The following LPIN1 variants were observed in gnomAD, a reference collection of about 807,000 sequenced individuals.
The protein encoded by LPIN1 is phosphatidate phosphatase LPIN1.
Under a neutral mutation model 107.5 loss-of-function variants are expected in LPIN1, and 71 were observed. The ratio of observed to expected loss-of-function variants is 0.66; its 90% CI spans 0.55 to 0.80. The LOEUF (loss-of-function observed/expected upper bound fraction) is 0.80, where lower values mean the gene tolerates loss of function less well. Among genes scored for constraint, LPIN1 ranks in the 30% least tolerant of loss-of-function variants. The pLI is 0.00. For synonymous variants in LPIN1, 445 were observed against 452.6 expected (o/e 0.98, Z 0.21); for missense variants, 1,043 against 1,160.6 (o/e 0.90, Z 1.47).
chr2:11,768,303 T>C (rs543380981), intron 3 of LPIN1, among the ~76,000 whole-genome samples: 1 of 152,354 alleles, frequency 6.6e-6, no homozygotes, highest in Admixed American at 6.5e-5. Context: ...GGTTTTAGTA[T>C]ATTTACAGAT....
intron 19 of LPIN1, 68 bp from the exon 20 acceptor site, chr2:11,820,343 A>C: frequency 1.0e-6 from 1 of 1,002,956 alleles, no homozygotes. Flanking sequence ...AATCAGAAAT[A>C]CCATGGACTT....
chr2:11,824,712 A>G lies in LPIN1; in HGVS notation c.2702A>G (p.Asp901Gly), dbSNP rs773234393. ...CATTCTTCAGACTTTCCCTGTTCGG[A>G]TACCTTCAGTAACTTCACCTTTTGG... ...RSHSSDFPCSDTFSNFTFWRE... is the reference protein window; with the variant it reads ...RSHSSDFPCSGTFSNFTFWRE... The change falls in exon 21 of 21, where the codon GAT becomes GGT. Residue 901 changes from aspartate to glycine, a missense_variant. Physicochemically the swap from Asp to Gly is moderately conservative, Grantham distance 94. Coordinates refer to ENST00000674199, the MANE Select transcript of LPIN1 (RefSeq NM_001349206.2). 1.2e-6 allele frequency: 2 copies of G among 1,614,026 alleles called. No individual in the cohort carries two copies. The highest frequency in any genetic ancestry group is 1.7e-6 in the Non-Finnish European group (2 of 1,180,038).
At chr2:11,739,758 A>G (rs1299994136) in intron 1 of LPIN1, among the ~76,000 whole-genome samples, 1 of 152,250 alleles carries the variant, frequency 6.6e-6, no homozygotes, top group East Asian at 1.9e-4. Context: ...GGATAATATG[A>G]CCTAGGATCT....
chr2:11,809,254 A>G (rs892456227), intron 17 of LPIN1, among the ~76,000 whole-genome samples: 5 of 152,192 alleles, frequency 3.3e-5, no homozygotes, highest in African/African-American at 9.7e-5. Flanking sequence ...ACCTTATTTC[A>G]TACATGCTTT....
At chr2:11,725,266 CA>C (rs1316608158) in intron 1 of LPIN1, among the ~76,000 whole-genome samples, 5 of 150,160 alleles carry the variant, frequency 3.3e-5, no homozygotes, top group African/African-American at 1.2e-4. Flanking sequence ...GTCTCAAAAA[CA>C]AAAACAAAAA....
At chr2:11,719,413 G>A (rs545280582), upstream of LPIN1, among the ~76,000 whole-genome samples, 403 of 152,318 alleles carry the variant, frequency 2.6e-3, 1 homozygote, top group Admixed American at 6.3e-3. Flanking sequence ...CTTGAGTTCT[G>A]TAGGCAGATG....
At chr2:11,690,811 C>T (rs1022421472) in intron 1 of LPIN1, among the ~76,000 whole-genome samples, 16 of 151,812 alleles carry the variant, frequency 1.1e-4, no homozygotes, top group African/African-American at 3.6e-4. Context: ...GATTCTTTTC[C>T]TTTATTTCAT....
At chr2:11,691,178 C>T (rs896817228) in intron 1 of LPIN1, among the ~76,000 whole-genome samples, 1 of 151,682 alleles carries the variant, frequency 6.6e-6, no homozygotes, top group Admixed American at 6.6e-5. Flanking sequence ...TGAGGGTCCA[C>T]CCTCAGTCCT....
chr2:11,716,582 G>A (rs1572383488), intron 2 of LPIN1, among the ~76,000 whole-genome samples: 2 of 151,972 alleles, frequency 1.3e-5, no homozygotes, highest in Admixed American at 6.6e-5. Flanking sequence ...CCAAGCAGGG[G>A]AGGGGGTAGT....
At chr2:11,776,993 T>A (rs1672772678) in intron 6 of LPIN1, among the ~76,000 whole-genome samples, 1 of 152,252 alleles carries the variant, frequency 6.6e-6, no homozygotes, top group Non-Finnish European at 1.5e-5. Flanking sequence ...AAGTTGTTAA[T>A]AGTTAAAACT....
At chr2:11,759,169 CTTTCTTTCTTTCTTTCTTTCT>C (rs1329682762) in intron 1 of LPIN1, among the ~76,000 whole-genome samples, 36 of 147,362 alleles carry the variant, frequency 2.4e-4, no homozygotes, top group African/African-American at 8.9e-4. Flanking sequence ...TTCTTTCTTT[CTTTCTTTCTTTCTTTCTTTCT>C]TTTCTTTCTT....
intron 2 of LPIN1, chr2:11,713,950 T>C: frequency 1.8e-6 from 1 of 563,132 alleles, no homozygotes; most frequent in Admixed American, 3.2e-5. Context: ...CCGCTGATGC[T>C]TTCAGAGATT....
intron 1 of LPIN1, among the ~76,000 whole-genome samples, chr2:11,752,347 G>A (rs1667923016): frequency 6.6e-6 from 1 of 151,632 alleles, no homozygotes; most frequent in Admixed American, 6.6e-5. Context: ...TATGAATGGG[G>A]TTGAATATCT....
chr2:11,709,712 C>T (rs1367336614), intron 1 of LPIN1, among the ~76,000 whole-genome samples: 1 of 152,202 alleles, frequency 6.6e-6, no homozygotes, highest in Non-Finnish European at 1.5e-5. Context: ...TACAAATGAA[C>T]GTTGGACAAC....
At chr2:11,706,995 A>G (rs1663158607) in intron 1 of LPIN1, among the ~76,000 whole-genome samples, 1 of 152,212 alleles carries the variant, frequency 6.6e-6, no homozygotes, top group Non-Finnish European at 1.5e-5. Context: ...GTCATTAAAA[A>G]GTGGAAATAG....
intron 14 of LPIN1, among the ~76,000 whole-genome samples, chr2:11,799,884 A>G (rs1012321317): frequency 1.3e-5 from 2 of 152,170 alleles, no homozygotes; most frequent in Admixed American, 1.3e-4. Flanking sequence ...TGTGTTTTTC[A>G]GAGTCTAACT....
In LPIN1 at chr2:11,827,187, T is replaced by C. The variant is rs902920183; in HGVS notation, c.*2396T>C. 6.6e-6 allele frequency: 1 copy of C among 152,648 alleles called. No individual in the cohort carries two copies. Among genetic ancestry groups the C allele is most frequent in the African/African-American group, 2.4e-5 (1 of 41,458 alleles). The allele number at this position is 152,648 out of a possible 1,614,324, so 9.5% of individuals were successfully genotyped here. A position where few individuals can be genotyped will look rare whatever the true frequency, so the allele number is the denominator to read the frequency against. On this transcript the variant is annotated 3_prime_UTR_variant, in exon 21 of 21. Coordinates refer to ENST00000674199, the MANE Select transcript of LPIN1 (RefSeq NM_001349206.2). This position sits in a 1 kb window ranked among gnomAD's most constrained non-coding sequence, Gnocchi z 4.1. ...TGTATACCTGGCATAGAGAAAAATA[T>C]ATACCTGGTACATTGGAGAAAAATA...
chr2:11,749,218 C>T lies in LPIN1; in HGVS notation c.-10+2547C>T, dbSNP rs556585319. Among the ~76,000 whole-genome samples the T allele has an allele frequency of 1.4e-4, 21 of 152,282 alleles. No individual in the cohort carries two copies. In the South Asian group the frequency reaches 1.5e-3, roughly 11 times the overall value. On this transcript the variant is annotated intron_variant, in intron 1 of 20. Transcript: ENST00000674199. Reference sequence around the variant, plus strand: ...ATTCAGAAGAGGCCCAGGTGCCTATCGGATGGCTGTTTCTGAAATGTTCGC... The same window carrying T: ...ATTCAGAAGAGGCCCAGGTGCCTATTGGATGGCTGTTTCTGAAATGTTCGC...
At position 11,804,495 on chromosome 2, in the gene LPIN1, C is replaced by T. The variant is rs778277029; in HGVS notation, c.2086C>T (p.Arg696Cys). 54 of 1,614,020 alleles carry T rather than the reference C, an allele frequency of 3.3e-5. No homozygotes were observed. Among genetic ancestry groups the T allele is most frequent in the African/African-American group, 8.0e-5 (6 of 74,920 alleles). The change falls in exon 16 of 21, where the codon CGC becomes TGC. Residue 696 changes from arginine to cysteine, a missense_variant. Coordinates refer to ENST00000674199, the MANE Select transcript of LPIN1 (RefSeq NM_001349206.2). ...CACCACGCAGTACCAAGGCACGTGC[C>T]GCTGTGAGGGCACCATCTATCTGTG... is the stretch of plus-strand genomic sequence containing the variant. ...SVTTQYQGTC[R>C]CEGTIYLWNW...
Sources: allele counts gnomAD v4.1 joint callset (sites outside exome capture counted in the v4.1 genomes callset), GRCh38; gene constraint gnomAD v4.1.1; non-coding constraint Gnocchi (gnomAD v3.1); transcripts MANE v1.5; gene names NCBI Gene and HGNC (gene_info 2026-07-23, HGNC 2026-07-21).